DDX47: variants seen among roughly 807,000 people sequenced by gnomAD.
DDX47 encodes DEAD-box helicase 47.
Under a neutral mutation model 58.8 loss-of-function variants are expected in DDX47, and 60 were observed. The observed-to-expected ratio is 1.02, with a 90% CI of 0.83 to 1.26. DDX47 has a LOEUF of 1.26. Among genes scored for constraint, DDX47 ranks in the 50% most tolerant of loss-of-function variants. DDX47 has a pLI of 0.00. For synonymous variants in DDX47, 197 were observed against 204.6 expected, an observed-to-expected ratio of 0.96 and a Z score of 0.32; for missense variants, 530 against 573.2, an observed-to-expected ratio of 0.92 and a Z score of 0.77.
intron 2 of DDX47, among the ~76,000 whole-genome samples, chr12:12,817,532 T>C (rs1862913710): frequency 6.6e-6 from 1 of 152,178 alleles, no homozygotes; most frequent in South Asian, 2.1e-4. Flanking sequence ...GGGTAACACA[T>C]TGAGACACCA....
intron 5 of DDX47, among the ~76,000 whole-genome samples, chr12:12,822,330 C>T (rs374028924): frequency 3.3e-5 from 5 of 152,162 alleles, no homozygotes; most frequent in African/African-American, 1.2e-4. Flanking sequence ...TTGACATACA[C>T]CCTGAAATAT....
chr12:12,829,686 C>A lies in DDX47; in HGVS notation c.*132C>A. ...GAATGTGCTCAGCTAATTCAGTATT[C>A]TTCCCCATTCTGGGTTGGAGTTTAC... is the stretch of plus-strand genomic sequence containing the variant. On this transcript the variant is annotated 3_prime_UTR_variant, in exon 12 of 12. Transcript: ENST00000358007. 1 of 1,163,246 alleles carries A rather than the reference C, an allele frequency of 8.6e-7. No homozygotes were observed. The highest frequency in any genetic ancestry group is 1.2e-6 in the Non-Finnish European group (1 of 844,594). 72.1% of individuals were successfully genotyped at this position (1,163,246 alleles called of 1,614,324 possible). A position where few individuals can be genotyped will look rare whatever the true frequency, so the allele number is the denominator to read the frequency against.
rs1224476478 is a variant in DDX47 at position 12,821,743 on chromosome 12, G to A, written c.442+17G>A. On this transcript the variant is annotated intron_variant, in intron 4 of 11. Transcript: ENST00000358007. ...TAATAATAGGTGAGTAACTGACAAA[G>A]GTAAAAGACACTGGCAGTGATGAAT... 2.5e-6 allele frequency: 4 copies of A among 1,583,810 alleles called. No homozygotes were observed. Among genetic ancestry groups the A allele is most frequent in the East Asian group, 2.2e-5 (1 of 44,742 alleles).
At chr12:12,824,467 T>A (rs1333985940) in intron 8 of DDX47, 73 bp from the exon 9 acceptor site, 1 of 1,518,282 alleles carries the variant, frequency 6.6e-7, no homozygotes, top group Non-Finnish European at 8.9e-7. Context: ...TTTGTTCTCG[T>A]GTTTGTCTAT....
intron 7 of DDX47, 90 bp from the exon 8 acceptor site, chr12:12,823,780 T>C (rs1214054887): frequency 6.2e-6 from 8 of 1,296,648 alleles, no homozygotes; most frequent in Non-Finnish European, 8.5e-6. Context: ...AAAGCGACTA[T>C]AGGCTTAGTC....
rs7958685 is a variant in DDX47, at chr12:12,824,915, C to T, written c.1035+238C>T. On this transcript the variant is annotated intron_variant, in intron 9 of 11. Transcript: ENST00000358007. The stretch of plus-strand genomic sequence containing the variant: ...TAGATGCTCATAGAAGGGGCTGGTG[C>T]GCCACATACTGATCTTGTCACTGTC... 887 of 391,940 alleles carry T rather than the reference C, an allele frequency of 2.3e-3. 8 individuals are homozygous for T. The highest frequency in any genetic ancestry group is 0.017 in the African/African-American group (817 of 48,718). The allele number at this position is 391,940 out of a possible 1,614,324, so 24.3% of individuals were successfully genotyped here. A position where few individuals can be genotyped will look rare whatever the true frequency, so the allele number is the denominator to read the frequency against.
At chr12:12,817,993 C>G (rs968761546) in intron 2 of DDX47, among the ~76,000 whole-genome samples, 2 of 152,144 alleles carry the variant, frequency 1.3e-5, no homozygotes, top group Admixed American at 6.5e-5. Flanking sequence ...TCCTAGTTCC[C>G]CCGCCTGCTG....
chr12:12,820,355 A>C (rs1862951101), intron 2 of DDX47: 1 of 152,210 alleles, frequency 6.6e-6, no homozygotes, highest in Non-Finnish European at 1.5e-5. Flanking sequence ...AGTAATATTG[A>C]TCATGATATT....
rs117753506 is a variant in DDX47, at chr12:12,826,301, C to G, written c.1106+231C>G. On this transcript the variant is annotated intron_variant, in intron 10 of 11. Coordinates refer to ENST00000358007, the MANE Select transcript of DDX47 (RefSeq NM_016355.4). ...ATAGTATTTGGCATGTAGAATGGTA[C>G]CTAGAGCTGGAGAGCAATTGCCTTT... 174 of 339,516 alleles carry G rather than the reference C, an allele frequency of 5.1e-4. 1 individual carries two copies. The East Asian group carries it at 6.9e-3, about 14-fold the overall frequency. 21.0% of individuals were successfully genotyped at this position (339,516 alleles called of 1,614,324 possible). A position where few individuals can be genotyped will look rare whatever the true frequency, so the allele number is the denominator to read the frequency against.
chr12:12,814,074 A>C (rs1239993885), intron 1 of DDX47, 57 bp from the exon 2 acceptor site: 1 of 1,050,856 alleles, frequency 9.5e-7, no homozygotes, highest in Non-Finnish European at 1.5e-6. Flanking sequence ...TCAGTTAAGT[A>C]GGAGGGAGGT....
chr12:12,813,450 A>T lies in DDX47; in HGVS notation c.83A>T (p.Asp28Val). 5 of 1,608,416 alleles carry T rather than the reference A, an allele frequency of 3.1e-6. No individual in the cohort carries two copies. The highest frequency in any genetic ancestry group is 4.2e-6 in the Non-Finnish European group (5 of 1,177,324). ...GAGGAGGAAACTAAAACATTTAAAG[A>T]CCTGGTGAGAATGGATGACGCTGGC... ...VEEEETKTFKDLGVTDVLCEA... is the reference protein window; with the variant it reads ...VEEEETKTFKVLGVTDVLCEA... The change falls in exon 1 of 12, where the codon GAC becomes GTC. Residue 28 changes from aspartate (D) to valine (V), a missense_variant. By Grantham distance (152) the Asp-to-Val change is radical. Transcript: ENST00000358007.
chr12:12,827,314 A>C lies in DDX47; in HGVS notation c.1175A>C (p.Gln392Pro). The change falls in exon 11 of 12, where the codon CAG becomes CCG. Residue 392 changes from glutamine to proline, a missense_variant. Coordinates refer to ENST00000358007, the MANE Select transcript of DDX47 (RefSeq NM_016355.4). ...IGKKLPGFPT[Q>P]DDEVMMLTER... ...AAGAAACTACCAGGTTTTCCAACAC[A>C]GGATGATGAGGTTATGATGCTGACA... 6.2e-7 allele frequency: 1 copy of C among 1,614,202 alleles called. No individual in the cohort carries two copies. Among genetic ancestry groups the C allele is most frequent in the Non-Finnish European group, 8.5e-7 (1 of 1,180,020 alleles).
chr12:12,818,519 T>A (rs867159529), intron 2 of DDX47, among the ~76,000 whole-genome samples: 20 of 143,450 alleles, frequency 1.4e-4, no homozygotes, highest in African/African-American at 3.8e-4. Flanking sequence ...AGACTCTGTC[T>A]AAAAAAAAAA....
intron 2 of DDX47, 164 bp downstream of exon 2, chr12:12,814,388 G>T: frequency 1.7e-6 from 1 of 581,768 alleles, no homozygotes; most frequent in Non-Finnish European, 3.1e-6. Context: ...ATTTTACTGA[G>T]CTTACTTTCT....
At chr12:12,815,356 A>G (rs1045329212) in intron 2 of DDX47, among the ~76,000 whole-genome samples, 7 of 152,222 alleles carry the variant, frequency 4.6e-5, no homozygotes, top group Non-Finnish European at 8.8e-5. Flanking sequence ...TGCTCTTTCC[A>G]TAAATAGTTA....
chr12:12,823,718 A>T, intron 7 of DDX47, 152 bp from the exon 8 acceptor site: 1 of 724,056 alleles, frequency 1.4e-6, no homozygotes, highest in Non-Finnish European at 2.3e-6. Context: ...CACAGAGATG[A>T]TAATGCTGGT....
intron 2 of DDX47, among the ~76,000 whole-genome samples, chr12:12,816,188 T>G (rs1862891412): frequency 6.6e-6 from 1 of 152,144 alleles, no homozygotes; most frequent in Non-Finnish European, 1.5e-5. Flanking sequence ...TGGATATCAA[T>G]GAGATAGAGT....
chr12:12,829,615 G>C lies in DDX47; in HGVS notation c.*61G>C. The C allele has an allele frequency of 6.4e-7, 1 of 1,570,594 alleles. No homozygotes were observed. Among genetic ancestry groups the C allele is most frequent in the Non-Finnish European group, 8.7e-7 (1 of 1,155,870 alleles). ...AAAAGAGAATTGGAGAATGAAACCT[G>C]CTCCAACAGAGATCATGAGACTGAA... On this transcript the variant is annotated 3_prime_UTR_variant, in exon 12 of 12. Coordinates refer to ENST00000358007, the MANE Select transcript of DDX47 (RefSeq NM_016355.4).
intron 11 of DDX47, 38 bp from the exon 12 acceptor site, chr12:12,829,385 A>G (rs541629614): frequency 3.2e-6 from 5 of 1,581,918 alleles, no homozygotes; most frequent in African/African-American, 1.4e-5. Flanking sequence ...AGTGCCAGTA[A>G]TTCATTTTCA....
Sources: gnomAD v4.1 joint callset for allele counts (sites outside exome capture counted in the v4.1 genomes callset) on GRCh38, gnomAD v4.1.1 for gene constraint, MANE v1.5 for transcripts, NCBI Gene and HGNC (gene_info 2026-07-23, HGNC 2026-07-21) for gene names.